Variants in SPRY3 observed in about 807,000 individuals in gnomAD.
SPRY3 encodes sprouty RTK signaling antagonist 3.
Under a neutral mutation model 20.2 loss-of-function variants are expected in SPRY3, and 15 were observed. That is an observed-to-expected ratio of 0.74 (90% CI 0.50 to 1.14). SPRY3 has a LOEUF of 1.14. SPRY3 is among the 50% of genes most tolerant of loss of function. The probability of loss-of-function intolerance (pLI) is 0.00; values close to 1 mark genes in which losing one functional copy is unlikely to be tolerated. For missense variants in SPRY3, 364 were observed against 363.9 expected (o/e 1.00, Z 0.00); for synonymous variants, 143 against 136.5 (o/e 1.05, Z -0.33).
At chrX:155,703,998 C>T (rs1366818318) in intron 2 of SPRY3, among the ~76,000 whole-genome samples, 1 of 151,696 alleles carries the variant, frequency 6.6e-6, no homozygotes. Context: ...ATAATGCAAA[C>T]CCTCGCACTA....
intron 2 of SPRY3, among the ~76,000 whole-genome samples, chrX:155,754,144 C>T (rs1198344779): frequency 8.6e-5 from 13 of 151,898 alleles, no homozygotes; most frequent in Non-Finnish European, 2.9e-5. Context: ...TTTCTTGTTG[C>T]GTCTAGGAAT....
rs1403979178 is a variant in SPRY3 at position 155,622,148 on chromosome X, T to C, written c.-441+9501T>C. Among the ~76,000 whole-genome samples, 14 of 112,225 alleles carry C rather than the reference T, an allele frequency of 1.2e-4. No individual in the cohort carries two copies. The Admixed American group carries it at 1.3e-3, about 11-fold the overall frequency. On this transcript the variant is annotated intron_variant, in intron 1 of 3. Transcript: ENST00000675360. ...CCCTCACTCTGCACTTTTCACACTC[T>C]AAAGTCAGACTGTTGGGGCTATAAA... is the stretch of plus-strand genomic sequence containing the variant.
chrX:155,727,843 C>A (rs894858814), intron 2 of SPRY3, among the ~76,000 whole-genome samples: 1 of 152,110 alleles, frequency 6.6e-6, no homozygotes, highest in Non-Finnish European at 1.5e-5. Flanking sequence ...TGTTCTGTTG[C>A]TGGCAAGGAG....
chrX:155,657,019 G>A (rs782812820), exon 2 of SPRY3, among the ~76,000 whole-genome samples: 1 of 111,325 alleles, frequency 9.0e-6, no homozygotes, highest in Non-Finnish European at 1.9e-5. Flanking sequence ...GAGCTCTCCT[G>A]TATGAGGTAT....
chrX:155,716,376 T>C (rs1246185707), intron 2 of SPRY3, among the ~76,000 whole-genome samples: 3 of 152,208 alleles, frequency 2.0e-5, no homozygotes, highest in Non-Finnish European at 4.4e-5. Flanking sequence ...CATTGTCATT[T>C]AGTTTCATCT....
chrX:155,626,001 A>T (rs184697554), intron 1 of SPRY3, among the ~76,000 whole-genome samples: 1 of 111,484 alleles, frequency 9.0e-6, no homozygotes, highest in African/African-American at 3.2e-5. Context: ...TTTTGTGAGT[A>T]ATTCCACTAT....
At chrX:155,759,670 A>G (rs1348697017) in intron 2 of SPRY3, among the ~76,000 whole-genome samples, 3 of 152,160 alleles carry the variant, frequency 2.0e-5, no homozygotes, top group Non-Finnish European at 2.9e-5. Context: ...GGAGCTCCTA[A>G]TTTAGTAAAG....
intron 1 of SPRY3, among the ~76,000 whole-genome samples, chrX:155,614,215 G>A (rs2067842744): frequency 1.8e-5 from 2 of 111,741 alleles, no homozygotes; most frequent in Admixed American, 9.5e-5. Context: ...TATAGTCCAT[G>A]CCCTTATGCC....
At chrX:155,774,435 C>T in exon 4 of SPRY3, 1 of 1,614,028 alleles carries the variant, frequency 6.2e-7, no homozygotes. Context: ...GCACTTGTCT[C>T]TGCTGTGTCA....
chrX:155,649,940 T>C (rs782281454), intron 1 of SPRY3, among the ~76,000 whole-genome samples: 1 of 111,683 alleles, frequency 9.0e-6, no homozygotes, highest in African/African-American at 3.3e-5. Context: ...AAAATCAATG[T>C]GCAAAAATCA....
At chrX:155,762,756 G>T (rs2091309655) in intron 2 of SPRY3, among the ~76,000 whole-genome samples, 1 of 152,126 alleles carries the variant, frequency 6.6e-6, no homozygotes, top group African/African-American at 2.4e-5. Context: ...CACTGTTGGT[G>T]GGAATATAAA....
At chrX:155,774,423 T>C (rs1876258357) in exon 4 of SPRY3, 1 of 1,613,922 alleles carries the variant, frequency 6.2e-7, no homozygotes, top group African/African-American at 1.3e-5. Context: ...TCCTCGATTA[T>C]GGCACTTGTC....
chrX:155,690,880 A>G (rs2068100423), intron 2 of SPRY3, among the ~76,000 whole-genome samples: 1 of 87,568 alleles, frequency 1.1e-5, no homozygotes, highest in Non-Finnish European at 2.1e-5. Flanking sequence ...ACTTATATCA[A>G]TTCTGGATAT....
intron 1 of SPRY3, among the ~76,000 whole-genome samples, chrX:155,623,344 T>C (rs1205955658): frequency 8.9e-6 from 1 of 112,086 alleles, no homozygotes; most frequent in East Asian, 2.8e-4. Flanking sequence ...AAAGTCCACA[T>C]TTTTTTCAAC....
At chrX:155,711,764 G>T (rs2124542841) in intron 2 of SPRY3, among the ~76,000 whole-genome samples, 1 of 148,582 alleles carries the variant, frequency 6.7e-6, no homozygotes, top group East Asian at 2.0e-4. Flanking sequence ...GTTTGTTCTT[G>T]GCTTTCTAGC....
In SPRY3 at chrX:155,750,136, G is replaced by A. The variant is rs182936830; in HGVS notation, c.-281-17826G>A. ...AAATCATGTCCTTTGCAGCAACATG[G>A]ATGCAGCTAGAAGCCATTATCCCAA... is the stretch of plus-strand genomic sequence containing the variant. On this transcript the variant is annotated intron_variant, in intron 2 of 3. Coordinates refer to ENST00000675360, the Ensembl canonical transcript of SPRY3. Among the ~76,000 whole-genome samples, 309 of 151,920 alleles carry A rather than the reference G, an allele frequency of 2.0e-3. 2 individuals carry two copies. The highest frequency in any genetic ancestry group is 6.1e-3 in the African/African-American group (255 of 41,504).
chrX:155,692,030 G>T lies in SPRY3; in HGVS notation c.-282+35005G>T, dbSNP rs756918194. ...GTACCCTTTTTGTTAAGTGAAATAA[G>T]CCAGGCTCAGAAAGATAACTATTAC... On this transcript the variant is annotated intron_variant, in intron 2 of 3. Transcript: ENST00000675360. Among the ~76,000 whole-genome samples, 7 of 57,957 alleles carry T rather than the reference G, an allele frequency of 1.2e-4. 1 individual carries two copies. The highest frequency in any genetic ancestry group is 2.1e-4 in the Non-Finnish European group (7 of 33,108). The allele number at this position is 57,957 out of a possible 115,157, so 50.3% of individuals were successfully genotyped here.
At chrX:155,767,169 G>T (rs2091336752) in intron 2 of SPRY3, among the ~76,000 whole-genome samples, 1 of 151,976 alleles carries the variant, frequency 6.6e-6, no homozygotes, top group Non-Finnish European at 1.5e-5. Context: ...TCATCTGGAT[G>T]ACGCCACTTC....
chrX:155,633,352 A>G (rs1557350686), intron 1 of SPRY3, among the ~76,000 whole-genome samples: 1 of 99,244 alleles, frequency 1.0e-5, no homozygotes, highest in African/African-American at 3.8e-5. Context: ...CATCCTGGCT[A>G]ACAAGGTGAA....
Sources: gnomAD v4.1 joint callset for allele counts (sites outside exome capture counted in the v4.1 genomes callset) on GRCh38, gnomAD v4.1.1 for gene constraint, MANE v1.5 for transcripts, NCBI Gene and HGNC (gene_info 2026-07-23, HGNC 2026-07-21) for gene names.